Variants in EFCAB14 observed in about 807,000 individuals in gnomAD.
The protein encoded by EFCAB14 is EF-hand calcium binding domain 14.
Under a neutral mutation model 56.5 loss-of-function variants are expected in EFCAB14, and 43 were observed. The observed-to-expected ratio is 0.76, with a 90% CI of 0.60 to 0.98. EFCAB14 has a LOEUF of 0.98. Ranked by LOEUF, EFCAB14 falls within the 50% of genes least tolerant of loss-of-function variation. The probability of loss-of-function intolerance (pLI) is 0.00; values close to 1 mark genes in which losing one functional copy is unlikely to be tolerated. For missense variants in EFCAB14, 538 were observed against 580.3 expected (o/e 0.93, Z 0.75); for synonymous variants, 235 against 212.9 (o/e 1.10, Z -0.90).
At chr1:46,683,091 T>A in intron 10 of EFCAB14, 1 of 428,206 alleles carries the variant, frequency 2.3e-6, no homozygotes, top group Admixed American at 4.2e-5. Flanking sequence ...TTAGGCAGTT[T>A]CCCTATCAGT....
intron 4 of EFCAB14, 48 bp from the exon 5 acceptor site, chr1:46,691,985 T>A: frequency 7.3e-7 from 1 of 1,379,068 alleles, no homozygotes; most frequent in East Asian, 2.3e-5. Flanking sequence ...AAGAGACAAC[T>A]GACATGCAAT....
In EFCAB14 at chr1:46,718,381, GACCT is replaced by G. The variant is rs1557453993; in HGVS notation, c.-298_-295del. ...AGAGTGTTAGTAGAGGGTGGAGAGGGACCTTTATCTCCCAAAGGGCGAAAAAAAA... is the reference window on the plus strand; with the variant it reads ...AGAGTGTTAGTAGAGGGTGGAGAGGGTTATCTCCCAAAGGGCGAAAAAAAA... On this transcript the variant is annotated 5_prime_UTR_variant, in exon 1 of 11. Coordinates refer to ENST00000371933, the MANE Select transcript of EFCAB14 (RefSeq NM_014774.3). The G allele has an allele frequency of 7.6e-6, 2 of 264,462 alleles. No homozygotes were observed. Among genetic ancestry groups the G allele is most frequent in the Non-Finnish European group, 1.4e-5 (2 of 139,294 alleles). 16.4% of individuals were successfully genotyped at this position (264,462 alleles called of 1,614,324 possible).
chr1:46,702,073 A>G (rs1677167091), intron 3 of EFCAB14, among the ~76,000 whole-genome samples: 1 of 152,264 alleles, frequency 6.6e-6, no homozygotes, highest in Non-Finnish European at 1.5e-5. Context: ...TTTGGAATTC[A>G]GAGTCTAAAA....
At chr1:46,683,118 A>G in intron 10 of EFCAB14, 182 bp downstream of exon 10, 1 of 629,374 alleles carries the variant, frequency 1.6e-6, no homozygotes, top group Non-Finnish European at 2.5e-6. Context: ...GGTATAATAC[A>G]TAAATACTTA....
intron 2 of EFCAB14, among the ~76,000 whole-genome samples, chr1:46,713,669 A>C (rs1188309161): frequency 2.0e-5 from 3 of 152,192 alleles, no homozygotes; most frequent in Non-Finnish European, 4.4e-5. Flanking sequence ...GAAATATATA[A>C]ATAAATAATT....
intron 2 of EFCAB14, 117 bp from the exon 3 acceptor site, chr1:46,708,168 T>C (rs12127556): frequency 7.6e-4 from 767 of 1,006,976 alleles, no homozygotes; most frequent in Non-Finnish European, 9.9e-4. Context: ...AATTCTGACA[T>C]TGTTCTTTTA....
At position 46,686,764 on chromosome 1, in the gene EFCAB14, G is replaced by A. The variant is rs1327753597; in HGVS notation, c.1074+20C>T. The stretch of plus-strand genomic sequence containing the variant: ...CTGCTGCATTTACTTTTACTTCAGG[G>A]TAAGCCTCCCATTATTTACCTTTAT... On this transcript the variant is annotated intron_variant, in intron 8 of 10. Transcript: ENST00000371933. 6.2e-7 allele frequency: 1 copy of A among 1,610,390 alleles called. No individual in the cohort carries two copies. The highest frequency in any genetic ancestry group is 2.2e-5 in the East Asian group (1 of 44,814).
Position 46,718,044 on chromosome 1 carries a change from C to T in EFCAB14, c.44G>A (p.Gly15Glu). ...KELNALIGLA[G>E]DSRRKKPKKG... ...CTTGGGCTTCTTTCTCCGGCTGTCC[C>T]CAGCCAAACCAATCAATGCATTGAG... Residue 15 changes from glycine (G) to glutamate (E), a missense_variant, in exon 1 of 11, where the codon GGG becomes GAG. Physicochemically the swap from Gly to Glu is moderately conservative, Grantham distance 98. Coordinates refer to ENST00000371933, the MANE Select transcript of EFCAB14 (RefSeq NM_014774.3). 6.2e-7 allele frequency: 1 copy of T among 1,614,206 alleles called. No individual in the cohort carries two copies. The highest frequency in any genetic ancestry group is 8.5e-7 in the Non-Finnish European group (1 of 1,180,036).
In EFCAB14 at chr1:46,677,752, AC is replaced by A. The variant is rs1295217968; in HGVS notation, c.*708del. The A allele has an allele frequency of 6.6e-6, 1 of 152,114 alleles. No individual in the cohort carries two copies. Among genetic ancestry groups the A allele is most frequent in the Non-Finnish European group, 1.5e-5 (1 of 68,016 alleles). 9.4% of individuals were successfully genotyped at this position (152,114 alleles called of 1,614,324 possible). A position where few individuals can be genotyped will look rare whatever the true frequency, so the allele number is the denominator to read the frequency against. On this transcript the variant is annotated 3_prime_UTR_variant, in exon 11 of 11. Coordinates refer to ENST00000371933, the MANE Select transcript of EFCAB14 (RefSeq NM_014774.3). ...TTAGCTGAGGGAATAGGAACAAAGAACCAGAATCCTACTTCCATGAGCCATG... is the reference window on the plus strand; with the variant it reads ...TTAGCTGAGGGAATAGGAACAAAGAACAGAATCCTACTTCCATGAGCCATG...
chr1:46,695,869 G>A (rs1677071500), intron 4 of EFCAB14, among the ~76,000 whole-genome samples: 1 of 151,926 alleles, frequency 6.6e-6, no homozygotes, highest in Non-Finnish European at 1.5e-5. Flanking sequence ...TTGTAAAGAC[G>A]AGGTCTCCCT....
rs72283851 is a variant in EFCAB14 at position 46,700,956 on chromosome 1, T to TGA, written c.481-4309_481-4308dup. ...TACTGACTGGACACCTATGGGGGCA[T>TGA]GAGAGAGAGAGAGAGAGAGAGAGTG... On this transcript the variant is annotated intron_variant, in intron 3 of 10. Coordinates refer to ENST00000371933, the MANE Select transcript of EFCAB14 (RefSeq NM_014774.3). Among the ~76,000 whole-genome samples, 827 of 135,100 alleles carry TGA rather than the reference T, an allele frequency of 6.1e-3. 10 individuals are homozygous for TGA. The highest frequency in any genetic ancestry group is 0.013 in the African/African-American group (478 of 35,458). The allele number at this position is 135,100 out of a possible 152,430, so 88.6% of individuals were successfully genotyped here.
At position 46,701,503 on chromosome 1, in the gene EFCAB14, C is replaced by T. The variant is rs185655375; in HGVS notation, c.481-4854G>A. On this transcript the variant is annotated intron_variant, in intron 3 of 10. Transcript: ENST00000371933. ...GTTCTTTGGGTAAAAACTCTTCTTCCAGGTACTGAAAGTTCCAACCTCCTG... is the reference window on the plus strand; with the variant it reads ...GTTCTTTGGGTAAAAACTCTTCTTCTAGGTACTGAAAGTTCCAACCTCCTG... 8.9e-4 allele frequency among the ~76,000 whole-genome samples: 136 copies of T among 152,326 alleles called. 1 individual carries two copies. The highest frequency in any genetic ancestry group is 1.5e-3 in the Non-Finnish European group (105 of 68,028).
At chr1:46,700,544 T>C (rs971051026) in intron 3 of EFCAB14, among the ~76,000 whole-genome samples, 10 of 152,204 alleles carry the variant, frequency 6.6e-5, no homozygotes, top group Non-Finnish European at 1.2e-4. Context: ...AAAGGACATA[T>C]AGAAACAGGC....
At chr1:46,681,925 C>T (rs1176372444) in intron 10 of EFCAB14, among the ~76,000 whole-genome samples, 1 of 151,528 alleles carries the variant, frequency 6.6e-6, no homozygotes, top group African/African-American at 2.4e-5. Flanking sequence ...GCTTGTGTTC[C>T]CATTAAACAC....
chr1:46,707,846 C>A (rs904568444), intron 3 of EFCAB14, 60 bp downstream of exon 3: 10 of 1,541,956 alleles, frequency 6.5e-6, no homozygotes, highest in South Asian at 1.2e-5. Flanking sequence ...ATATCCTATT[C>A]ATACTAAACA....
chr1:46,714,189 T>C (rs921323695), intron 2 of EFCAB14, among the ~76,000 whole-genome samples: 3 of 152,210 alleles, frequency 2.0e-5, no homozygotes, highest in African/African-American at 7.2e-5. Flanking sequence ...GTTGGGATAT[T>C]GCAATCTTCT....
Position 46,718,010 on chromosome 1 carries a change from T to C in EFCAB14, c.78A>G (p.Pro26=). The C allele has an allele frequency of 6.2e-7, 1 of 1,614,208 alleles. No individual in the cohort carries two copies. The highest frequency in any genetic ancestry group is 8.5e-7 in the Non-Finnish European group (1 of 1,180,038). The part of the protein sequence containing the change: ...DSRRKKPKKG[P]SSHRLLRTEP... ...CAGTGCGAAGCAGGCGGTGACTGCT[T>C]GGGCCTTTCTTGGGCTTCTTTCTCC... is the stretch of plus-strand genomic sequence containing the variant. The change falls in exon 1 of 11, where the codon CCA becomes CCG. Residue 26 remains proline (P), a synonymous_variant. Transcript: ENST00000371933.
chr1:46,689,280 C>T (rs1185438334), intron 6 of EFCAB14, among the ~76,000 whole-genome samples: 3 of 152,180 alleles, frequency 2.0e-5, no homozygotes, highest in African/African-American at 7.2e-5. Context: ...CATCTTTAAC[C>T]TGCCCAGATA....
At chr1:46,702,221 T>C (rs1315422320) in intron 3 of EFCAB14, among the ~76,000 whole-genome samples, 2 of 152,330 alleles carry the variant, frequency 1.3e-5, no homozygotes, top group African/African-American at 4.8e-5. Flanking sequence ...AATACATCAT[T>C]TTATACTATG....
Sources: gnomAD v4.1 joint callset for allele counts (sites outside exome capture counted in the v4.1 genomes callset) on GRCh38, gnomAD v4.1.1 for gene constraint, MANE v1.5 for transcripts, NCBI Gene and HGNC (gene_info 2026-07-23, HGNC 2026-07-21) for gene names.